Variants in FRMD4A observed in about 807,000 individuals in gnomAD.
The protein encoded by FRMD4A is FERM domain containing 4A.
FRMD4A carries 29 observed loss-of-function variants against 129.1 expected under a neutral mutation model. The observed-to-expected ratio is 0.22, with a 90% CI of 0.17 to 0.31. FRMD4A has a LOEUF of 0.31. FRMD4A is among the 10% of genes least tolerant of loss of function. The probability of loss-of-function intolerance (pLI) is 1.00; values close to 1 mark genes in which losing one functional copy is unlikely to be tolerated. For missense variants in FRMD4A, 1,272 were observed against 1,375.8 expected (o/e 0.92, Z 1.19); for synonymous variants, 634 against 571.6 (o/e 1.11, Z -1.56).
chr10:14,113,578 C>T (rs1269526410), intron 2 of FRMD4A, among the ~76,000 whole-genome samples: 1 of 152,056 alleles, frequency 6.6e-6, no homozygotes, highest in East Asian at 1.9e-4. Context: ...AGAAGTTATA[C>T]CTAGATTTCT....
intron 2 of FRMD4A, among the ~76,000 whole-genome samples, chr10:14,111,150 C>G (rs1223761408): frequency 6.6e-6 from 1 of 152,196 alleles, no homozygotes; most frequent in African/African-American, 2.4e-5. Flanking sequence ...CCTCTCTACC[C>G]TAGCTTAGCC....
chr10:14,008,252 T>A, intron 2 of FRMD4A: 3 of 1,108,840 alleles, frequency 2.7e-6, no homozygotes, highest in Non-Finnish European at 3.4e-6. Context: ...CAAAAATAAG[T>A]TATGGTCTCC....
intron 2 of FRMD4A, among the ~76,000 whole-genome samples, chr10:14,164,556 G>A (rs1841074679): frequency 6.6e-6 from 1 of 152,202 alleles, no homozygotes. Context: ...ACAGTAAGGT[G>A]AGGTGGGACT....
chr10:14,143,292 T>C (rs540928810), intron 2 of FRMD4A, among the ~76,000 whole-genome samples: 1 of 152,226 alleles, frequency 6.6e-6, no homozygotes, highest in African/African-American at 2.4e-5. Flanking sequence ...TTAAATATCA[T>C]CTAGCCTTAA....
intron 2 of FRMD4A, among the ~76,000 whole-genome samples, chr10:14,281,445 C>A (rs917149434): frequency 2.0e-5 from 3 of 152,242 alleles, no homozygotes; most frequent in African/African-American, 7.2e-5. Flanking sequence ...AAGAAACCAA[C>A]CCTGCTGATA....
intron 13 of FRMD4A, among the ~76,000 whole-genome samples, chr10:13,703,186 C>T (rs530762813): frequency 2.6e-5 from 4 of 152,004 alleles, no homozygotes; most frequent in South Asian, 2.1e-4. Flanking sequence ...TCTCAGGTAC[C>T]GGGAGGGCAG....
chr10:13,800,848 G>A (rs1191291436), intron 4 of FRMD4A, among the ~76,000 whole-genome samples: 1 of 152,202 alleles, frequency 6.6e-6, no homozygotes, highest in Non-Finnish European at 1.5e-5. Context: ...ACATTAAACT[G>A]TCTAAAAGAA....
At chr10:13,699,873 G>A (rs1370308307) in intron 14 of FRMD4A, among the ~76,000 whole-genome samples, 5 of 152,090 alleles carry the variant, frequency 3.3e-5, no homozygotes, top group South Asian at 2.1e-4. Flanking sequence ...AAATTCCTGC[G>A]CTAGGACTAG....
At chr10:13,828,391 T>C (rs1433595123) in intron 3 of FRMD4A, among the ~76,000 whole-genome samples, 1 of 152,196 alleles carries the variant, frequency 6.6e-6, no homozygotes, top group Admixed American at 6.5e-5. Context: ...AGAACATGTG[T>C]ATTTGGCTTT....
At chr10:13,908,174 A>AC (rs1404579312) in intron 2 of FRMD4A, among the ~76,000 whole-genome samples, 8,744 of 149,186 alleles carry the variant, frequency 0.059, 1,079 homozygotes, top group African/African-American at 0.21. Context: ...TAAAAAAAAA[A>AC]AAAAAAAAAA....
chr10:13,656,096 G>A (rs900422545), intron 22 of FRMD4A, among the ~76,000 whole-genome samples: 6 of 152,070 alleles, frequency 3.9e-5, no homozygotes, highest in African/African-American at 9.7e-5. Context: ...CATCATCATC[G>A]AAATGGGAAA....
chr10:14,314,941 T>C (rs113857434), intron 2 of FRMD4A, among the ~76,000 whole-genome samples: 5 of 115,414 alleles, frequency 4.3e-5, no homozygotes, highest in African/African-American at 1.5e-4. Flanking sequence ...TGGCGAATCT[T>C]ATATATAGTT....
chr10:14,073,240 T>C (rs2131719583), intron 2 of FRMD4A, among the ~76,000 whole-genome samples: 1 of 152,164 alleles, frequency 6.6e-6, no homozygotes, highest in East Asian at 1.9e-4. Context: ...TTTAGTAGGC[T>C]GGGGGCAGTA....
intron 2 of FRMD4A, among the ~76,000 whole-genome samples, chr10:14,157,072 G>T (rs1183958730): frequency 1.3e-5 from 2 of 152,134 alleles, no homozygotes; most frequent in African/African-American, 4.8e-5. Flanking sequence ...AGAGCCTGGG[G>T]GTTCAGGTCT....
intron 2 of FRMD4A, among the ~76,000 whole-genome samples, chr10:14,254,377 C>T (rs1451063217): frequency 2.0e-5 from 3 of 152,080 alleles, no homozygotes; most frequent in Admixed American, 6.5e-5. Context: ...TTTTAAATGT[C>T]GTTTGCTTTG....
chr10:14,240,882 C>G (rs1167380438), intron 2 of FRMD4A, among the ~76,000 whole-genome samples: 1 of 149,754 alleles, frequency 6.7e-6, no homozygotes, highest in East Asian at 2.0e-4. Context: ...TATTAAGCCC[C>G]TGCTGGGATC....
At chr10:13,999,089 C>G (rs2095632848) in intron 2 of FRMD4A, among the ~76,000 whole-genome samples, 1 of 152,106 alleles carries the variant, frequency 6.6e-6, no homozygotes, top group Non-Finnish European at 1.5e-5. Flanking sequence ...CTGCCTCTGG[C>G]CTGTTGTACT....
intron 24 of FRMD4A, among the ~76,000 whole-genome samples, chr10:13,650,833 G>T (rs1284556552): frequency 6.6e-6 from 1 of 152,176 alleles, no homozygotes; most frequent in East Asian, 1.9e-4. Flanking sequence ...GTCTCCACCT[G>T]TCTAAGCCCC....
At chr10:14,008,211 T>TGTGTGTGTGTGTGTGTGTGTGTGTG (rs55649273) in intron 2 of FRMD4A, 3 of 1,151,352 alleles carry the variant, frequency 2.6e-6, no homozygotes, top group African/African-American at 1.6e-5. Context: ...TGTGTGTGTG[T>TGTGTGTGTGTGTGTGTGTGTGTGTG]TCCCAGCAAA....
Sources: gnomAD v4.1 joint callset for allele counts (sites outside exome capture counted in the v4.1 genomes callset) on GRCh38, gnomAD v4.1.1 for gene constraint, MANE v1.5 for transcripts, NCBI Gene and HGNC (gene_info 2026-07-23, HGNC 2026-07-21) for gene names.